Variants in SRSF4 observed in about 807,000 individuals in gnomAD.
SRSF4 encodes serine and arginine rich splicing factor 4.
SRSF4 carries 12 observed loss-of-function variants against 48.8 expected under a neutral mutation model. The ratio of observed to expected loss-of-function variants is 0.25; its 90% confidence interval spans 0.16 to 0.40. SRSF4 has a LOEUF of 0.40. SRSF4 is among the 10% of genes least tolerant of loss of function. The pLI, the probability that SRSF4 is intolerant of heterozygous loss-of-function variation, is 1.00. For synonymous variants in SRSF4, 248 were observed against 232.5 expected, an observed-to-expected ratio of 1.07 and a Z score of -0.61; for missense variants, 466 against 667.1, an observed-to-expected ratio of 0.70 and a Z score of 3.32.
Position 29,148,833 on chromosome 1 carries a change from CCTCTTGTCCTTG to C in SRSF4, c.1050_1061del (p.Ser350_Lys353del). ...CCTCTCTGCTTCTCTTCCTGCCCTT[CCTCTTGTCCTTG>C]CTCTTGCTGCGGCTCCTGCTCCGGC... On this transcript the variant is annotated inframe_deletion, in exon 6 of 6. Transcript: ENST00000373795. 6.2e-7 allele frequency: 1 copy of C among 1,608,296 alleles called. No individual in the cohort carries two copies. The highest frequency in any genetic ancestry group is 8.5e-7 in the Non-Finnish European group (1 of 1,176,484).
intron 1 of SRSF4, among the ~76,000 whole-genome samples, chr1:29,179,363 T>C (rs986977498): frequency 6.6e-6 from 1 of 152,122 alleles, no homozygotes; most frequent in Non-Finnish European, 1.5e-5. Flanking sequence ...AAGTCAGCAT[T>C]GTACTTATTT....
intron 1 of SRSF4, among the ~76,000 whole-genome samples, chr1:29,177,893 ATTTTTTTT>A (rs397979781): frequency 1.5e-4 from 14 of 93,636 alleles, no homozygotes; most frequent in Admixed American, 2.4e-4. Flanking sequence ...ATTACACAAG[ATTTTTTTT>A]TTTTTTTTTT....
intron 1 of SRSF4, chr1:29,168,722 C>T (rs147918580): frequency 1.6e-4 from 25 of 152,284 alleles, no homozygotes; most frequent in African/African-American, 6.0e-4. Context: ...TCTGTCTTTG[C>T]TTCTAAGGCT....
chr1:29,178,917 G>A (rs1672911695), intron 1 of SRSF4, among the ~76,000 whole-genome samples: 1 of 152,120 alleles, frequency 6.6e-6, no homozygotes, highest in Admixed American at 6.5e-5. Context: ...AGGTCATATT[G>A]TGTGCTGTTT....
Position 29,149,061 on chromosome 1 carries a change from T to G in SRSF4, c.834A>C (p.Gln278His). Residue 278 changes from glutamine to histidine, a missense_variant, in exon 6 of 6, where the codon CAA becomes CAC. Physicochemically the swap from Gln to His is conservative, Grantham distance 24 (BLOSUM62 0). This residue lies in a region of SRSF4 where 402 missense variants were observed against 437.0 expected (regional missense o/e 0.92). Coordinates refer to ENST00000373795, the MANE Select transcript of SRSF4 (RefSeq NM_005626.5). Reference sequence around the variant, plus strand: ...TGGGTTTCCCGACATTGTCATTGTTTTGGATCTTCTCTTCAGCTTGGTCTT... The same window carrying G: ...TGGGTTTCCCGACATTGTCATTGTTGTGGATCTTCTCTTCAGCTTGGTCTT... ...KSKDQAEEKI[Q>H]NNDNVGKPKS... is the part of the protein sequence containing the mutation. The G allele has an allele frequency of 6.2e-7, 1 of 1,613,638 alleles. No individual in the cohort carries two copies. Among genetic ancestry groups the G allele is most frequent in the Admixed American group, 1.7e-5 (1 of 59,960 alleles).
At chr1:29,161,243 G>A (rs927132577) in intron 1 of SRSF4, among the ~76,000 whole-genome samples, 5 of 152,182 alleles carry the variant, frequency 3.3e-5, no homozygotes, top group Non-Finnish European at 7.3e-5. Context: ...GCCTATTAAA[G>A]AGTACAATTT....
intron 1 of SRSF4, among the ~76,000 whole-genome samples, chr1:29,175,746 A>G (rs1672838520): frequency 6.7e-6 from 1 of 149,208 alleles, no homozygotes; most frequent in Non-Finnish European, 1.5e-5. Context: ...AATATGTGCT[A>G]CTTTGAAAAT....
chr1:29,168,246 G>T (rs1406573721), intron 1 of SRSF4, among the ~76,000 whole-genome samples: 1 of 147,444 alleles, frequency 6.8e-6, no homozygotes, highest in Admixed American at 6.8e-5. Flanking sequence ...GCCCAGGGTG[G>T]TCTCGAACTC....
intron 3 of SRSF4, among the ~76,000 whole-genome samples, chr1:29,156,172 T>G (rs1672496389): frequency 6.6e-6 from 1 of 152,118 alleles, no homozygotes; most frequent in South Asian, 2.1e-4. Flanking sequence ...CTGGCAACTT[T>G]GTGAAACCTT....
At chr1:29,169,319 A>T (rs996557118) in intron 1 of SRSF4, 9 of 152,210 alleles carry the variant, frequency 5.9e-5, no homozygotes, top group African/African-American at 2.2e-4. Flanking sequence ...CTATATACCA[A>T]TGAAAAGTGG....
At position 29,148,743 on chromosome 1, in the gene SRSF4, T is replaced by C; in HGVS notation, c.1152A>G (p.Arg384=). 2 of 1,613,676 alleles carry C rather than the reference T, an allele frequency of 1.2e-6. No homozygotes were observed. The highest frequency in any genetic ancestry group is 1.7e-6 in the Non-Finnish European group (2 of 1,179,868). ...TCTTGCTGCTGCCCGCCTTGCTGTC[T>C]CGCTTGCTGCCTCGCTTTCTGCTCC... ...SERSRKRGSK[R]DSKAGSSKKK... Residue 384 remains arginine (R), a synonymous_variant, in exon 6 of 6, where the codon CGA becomes CGG. Transcript: ENST00000373795.
At chr1:29,168,507 G>C (rs1672700764) in intron 1 of SRSF4, 1 of 152,100 alleles carries the variant, frequency 6.6e-6, no homozygotes, top group Non-Finnish European at 1.5e-5. Context: ...ATTGACCTTG[G>C]GGCAGGGTGA....
At chr1:29,179,241 T>G (rs1341851714) in intron 1 of SRSF4, among the ~76,000 whole-genome samples, 1 of 152,264 alleles carries the variant, frequency 6.6e-6, no homozygotes, top group Non-Finnish European at 1.5e-5. Context: ...TAAGGCTTGA[T>G]CCATGCTAGA....
At chr1:29,162,492 T>G (rs913539177) in intron 1 of SRSF4, among the ~76,000 whole-genome samples, 5 of 152,348 alleles carry the variant, frequency 3.3e-5, no homozygotes, top group South Asian at 2.1e-4. Context: ...CTACTTTGGT[T>G]TATCTCTAGA....
At chr1:29,169,168 C>CT (rs1262151460) in intron 1 of SRSF4, 1 of 152,230 alleles carries the variant, frequency 6.6e-6, no homozygotes, top group Non-Finnish European at 1.5e-5. Context: ...TTTCACAACT[C>CT]TGAGGTTTAC....
At chr1:29,157,793 T>C (rs1672523761) in intron 3 of SRSF4, among the ~76,000 whole-genome samples, 1 of 152,198 alleles carries the variant, frequency 6.6e-6, no homozygotes, top group South Asian at 2.1e-4. Flanking sequence ...AAACAAAACC[T>C]GTTTCATGCA....
chr1:29,161,518 A>G (rs1194119158), intron 1 of SRSF4, among the ~76,000 whole-genome samples: 1 of 152,244 alleles, frequency 6.6e-6, no homozygotes, highest in African/African-American at 2.4e-5. Context: ...ATTTAAACAC[A>G]CTGACACTAC....
intron 1 of SRSF4, among the ~76,000 whole-genome samples, chr1:29,163,955 G>A (rs1375129820): frequency 1.3e-5 from 2 of 152,158 alleles, no homozygotes; most frequent in Non-Finnish European, 1.5e-5. Context: ...GAAGTATACT[G>A]CATATCTCCA....
intron 1 of SRSF4, among the ~76,000 whole-genome samples, chr1:29,180,022 T>C (rs1672930341): frequency 6.6e-6 from 1 of 152,354 alleles, no homozygotes; most frequent in East Asian, 1.9e-4. Context: ...AGCAAAGATG[T>C]TTCCTCATCC....
Sources: gnomAD v4.1 joint callset for allele counts (sites outside exome capture counted in the v4.1 genomes callset) on GRCh38, gnomAD v4.1.1 for gene constraint, gnomAD v4.1.1 regional missense constraint, MANE v1.5 for transcripts, NCBI Gene and HGNC (gene_info 2026-07-23, HGNC 2026-07-21) for gene names.